The following SNTG2 variants were observed in gnomAD, a reference collection of about 807,000 sequenced individuals.
SNTG2 encodes the protein gamma-2-syntrophin.
A neutral mutation model predicts 70.9 loss-of-function variants in SNTG2; 74 were observed. The observed-to-expected ratio is 1.04, with a 90% CI of 0.86 to 1.27. The LOEUF (loss-of-function observed/expected upper bound fraction) is 1.27. Among genes scored for constraint, SNTG2 ranks in the 50% most tolerant of loss-of-function variants. SNTG2 has a pLI of 0.00. For synonymous variants in SNTG2, 278 were observed against 273.8 expected (o/e 1.02, Z -0.15); for missense variants, 717 against 690.7 (o/e 1.04, Z -0.43).
intron 1 of SNTG2, among the ~76,000 whole-genome samples, chr2:995,521 G>C (rs1336115194): frequency 6.6e-6 from 1 of 151,992 alleles, no homozygotes; most frequent in Non-Finnish European, 1.5e-5. Flanking sequence ...TTATCTTGTA[G>C]TTTTCTTGTG....
intron 6 of SNTG2, among the ~76,000 whole-genome samples, chr2:1,149,023 T>C (rs1259339453): frequency 6.6e-6 from 1 of 152,044 alleles, no homozygotes; most frequent in African/African-American, 2.4e-5. Context: ...TACCATGGAG[T>C]GTACCCCAGG....
chr2:1,360,341 A>G (rs1053986704), intron 16 of SNTG2, among the ~76,000 whole-genome samples: 7 of 152,114 alleles, frequency 4.6e-5, no homozygotes, highest in Non-Finnish European at 7.3e-5. Flanking sequence ...CTTTGGAAGC[A>G]TGCCTCCCTC....
At chr2:1,204,235 C>T (rs1412113942) in intron 8 of SNTG2, among the ~76,000 whole-genome samples, 1 of 152,058 alleles carries the variant, frequency 6.6e-6, no homozygotes, top group Non-Finnish European at 1.5e-5. Context: ...GCTGCATGGG[C>T]TATATATATT....
intron 8 of SNTG2, among the ~76,000 whole-genome samples, chr2:1,203,673 A>AAATATATATATATAT (rs1451954919): frequency 1.1e-4 from 13 of 115,510 alleles, no homozygotes; most frequent in African/African-American, 4.2e-4. Context: ...CAAAAAAAAA[A>AAATATATATATATAT]ATATATATAT....
chr2:1,175,895 A>G (rs1671442351), intron 8 of SNTG2, among the ~76,000 whole-genome samples: 1 of 152,210 alleles, frequency 6.6e-6, no homozygotes. Flanking sequence ...TGCAGTGGAA[A>G]AGTAACACGA....
chr2:954,737 A>G (rs1184852555), intron 1 of SNTG2, among the ~76,000 whole-genome samples: 1 of 152,188 alleles, frequency 6.6e-6, no homozygotes, highest in Non-Finnish European at 1.5e-5. Flanking sequence ...CCTCTGAACA[A>G]GAAGGCCCTC....
At chr2:1,351,834 C>T (rs1180229246) in intron 16 of SNTG2, among the ~76,000 whole-genome samples, 2 of 152,200 alleles carry the variant, frequency 1.3e-5, no homozygotes, top group Non-Finnish European at 2.9e-5. Context: ...CCCACCCTCT[C>T]TGCCAGCCCA....
intron 14 of SNTG2, among the ~76,000 whole-genome samples, chr2:1,272,758 TGC>T (rs1679102839): frequency 1.4e-5 from 2 of 145,482 alleles, no homozygotes; most frequent in South Asian, 2.3e-4. Context: ...AGGGAGCGGG[TGC>T]AGAAAGGACA....
At chr2:987,915 C>G (rs1661376420) in intron 1 of SNTG2, among the ~76,000 whole-genome samples, 2 of 152,170 alleles carry the variant, frequency 1.3e-5, no homozygotes, top group African/African-American at 4.8e-5. Context: ...CCCGGCAGTT[C>G]CAGCCCCTGG....
intron 14 of SNTG2, among the ~76,000 whole-genome samples, chr2:1,287,879 CTG>C (rs1396512623): frequency 6.6e-5 from 10 of 152,276 alleles, no homozygotes; most frequent in Non-Finnish European, 1.3e-4. Context: ...GCCTTCCCAG[CTG>C]TTGACTTTAA....
chr2:1,128,653 A>G (rs375931243), intron 4 of SNTG2, among the ~76,000 whole-genome samples: 24 of 152,228 alleles, frequency 1.6e-4, no homozygotes, highest in African/African-American at 5.8e-4. Flanking sequence ...TCCTGTGCCA[A>G]CTTTCAATAT....
chr2:1,247,303 T>G, intron 11 of SNTG2, 24 bp from the exon 12 acceptor site: 1 of 1,251,850 alleles, frequency 8.0e-7, no homozygotes, highest in Non-Finnish European at 1.1e-6. Flanking sequence ...TAAGGCTTGG[T>G]TTGTAATTTT....
intron 13 of SNTG2, 63 bp downstream of exon 13, chr2:1,259,504 T>G (rs2148164718): frequency 7.5e-7 from 1 of 1,337,288 alleles, no homozygotes; most frequent in South Asian, 1.2e-5. Context: ...GCTTGCAGAA[T>G]GAGAGGATTG....
At chr2:1,048,284 A>G (rs1661855620) in intron 1 of SNTG2, among the ~76,000 whole-genome samples, 1 of 152,170 alleles carries the variant, frequency 6.6e-6, no homozygotes, top group South Asian at 2.1e-4. Flanking sequence ...GTGAATTTTC[A>G]CTAAGACCTC....
At chr2:1,277,831 G>A (rs1264212266) in intron 14 of SNTG2, among the ~76,000 whole-genome samples, 3 of 152,210 alleles carry the variant, frequency 2.0e-5, no homozygotes, top group Non-Finnish European at 4.4e-5. Flanking sequence ...GCTCCTCAGA[G>A]GGCAGCAGGG....
chr2:973,177 T>A (rs886096471), intron 1 of SNTG2, among the ~76,000 whole-genome samples: 1 of 152,228 alleles, frequency 6.6e-6, no homozygotes, highest in African/African-American at 2.4e-5. Context: ...TAATCCGTAT[T>A]TCTGTCTGAC....
chr2:1,354,680 C>G (rs4927640), intron 16 of SNTG2, among the ~76,000 whole-genome samples: 1 of 14,812 alleles, frequency 6.8e-5, no homozygotes, highest in African/African-American at 2.3e-4. Flanking sequence ...GAAGACCCCG[C>G]GCTGGAGCTC....
intron 1 of SNTG2, among the ~76,000 whole-genome samples, chr2:1,015,068 G>A (rs1397440814): frequency 6.6e-6 from 1 of 152,120 alleles, no homozygotes; most frequent in Admixed American, 6.6e-5. Context: ...TGGACAGCGC[G>A]GGGCTGAGAC....
chr2:1,179,797 C>T (rs1259922940), intron 8 of SNTG2, among the ~76,000 whole-genome samples: 10 of 144,450 alleles, frequency 6.9e-5, no homozygotes, highest in East Asian at 2.2e-4. Flanking sequence ...GGAGGCATCA[C>T]GCTACCTGAC....
Sources: gnomAD v4.1 joint callset for allele counts (sites outside exome capture counted in the v4.1 genomes callset) on GRCh38, gnomAD v4.1.1 for gene constraint, MANE v1.5 for transcripts, NCBI Gene and HGNC (gene_info 2026-07-23, HGNC 2026-07-21) for gene names.